Variants in RHOA observed in about 807,000 individuals in gnomAD.
RHOA encodes ras homolog family member A.
RHOA carries 3 observed loss-of-function variants against 17.5 expected under a neutral mutation model. The ratio of observed to expected loss-of-function variants is 0.17; its 90% CI spans 0.08 to 0.44. The LOEUF is 0.44. Among genes scored for constraint, RHOA ranks in the 20% least tolerant of loss-of-function variants. The pLI is 0.99. For missense variants in RHOA, 56 were observed against 242.3 expected, an observed-to-expected ratio of 0.23 and a Z score of 5.10; for synonymous variants, 98 against 88.4, an observed-to-expected ratio of 1.11 and a Z score of -0.61.
intron 1 of RHOA, among the ~76,000 whole-genome samples, chr3:49,409,148 A>T (rs900223133): frequency 6.6e-6 from 1 of 151,260 alleles, no homozygotes; most frequent in African/African-American, 2.4e-5. Context: ...TAATCCCAGC[A>T]CTTTGGGAGG....
chr3:49,410,417 G>C (rs2048913475), intron 1 of RHOA, among the ~76,000 whole-genome samples: 1 of 152,120 alleles, frequency 6.6e-6, no homozygotes, highest in African/African-American at 2.4e-5. Flanking sequence ...AGATTTTTAT[G>C]AGAACAGAGA....
chr3:49,371,641 C>A (rs1559499634), intron 2 of RHOA, among the ~76,000 whole-genome samples: 1 of 152,148 alleles, frequency 6.6e-6, no homozygotes, highest in Non-Finnish European at 1.5e-5. Context: ...ATCTTGGGGA[C>A]TCTTGAGTTG....
At chr3:49,376,999 A>G (rs766609257) in intron 1 of RHOA, among the ~76,000 whole-genome samples, 4 of 152,132 alleles carry the variant, frequency 2.6e-5, no homozygotes, top group Non-Finnish European at 4.4e-5. Context: ...GTGGTGGCAC[A>G]TGCCTATAAT....
intron 1 of RHOA, among the ~76,000 whole-genome samples, chr3:49,403,049 A>AG (rs2048751925): frequency 1.3e-5 from 2 of 151,268 alleles, no homozygotes; most frequent in South Asian, 4.2e-4. Flanking sequence ...AAAAAAAAAA[A>AG]AAAAGAAACC....
At chr3:49,363,460 C>T (rs1057005814) in intron 3 of RHOA, among the ~76,000 whole-genome samples, 2 of 152,016 alleles carry the variant, frequency 1.3e-5, no homozygotes, top group East Asian at 1.9e-4. Flanking sequence ...AGAGGCTGGG[C>T]GTGGTGACTC....
At chr3:49,395,281 T>G (rs564511726) in intron 1 of RHOA, among the ~76,000 whole-genome samples, 2 of 151,440 alleles carry the variant, frequency 1.3e-5, no homozygotes, top group East Asian at 3.9e-4. Context: ...GAAAGGAGAT[T>G]TTTGAAAATA....
chr3:49,362,613 T>C lies in RHOA; in HGVS notation c.291A>G (p.Glu97=), dbSNP rs1480884070. The change falls in exon 4 of 5, where the codon GAA becomes GAG. Residue 97 remains glutamate (E), a synonymous_variant. Coordinates refer to ENST00000418115, the MANE Select transcript of RHOA (RefSeq NM_001664.4). ...DSPDSLENIP[E]KWTPEVKHFC... ...AATGCTTGACTTCTGGGGTCCACTT[T>C]TCTGGGATGTTTTCTGAAAGAAAAA... is the stretch of plus-strand genomic sequence containing the variant. 3 of 1,611,336 alleles carry C rather than the reference T, an allele frequency of 1.9e-6. No homozygotes were observed. The highest frequency in any genetic ancestry group is 1.7e-4 in the Middle Eastern group (1 of 6,054).
intron 1 of RHOA, among the ~76,000 whole-genome samples, chr3:49,402,537 G>A (rs1275683051): frequency 1.3e-5 from 2 of 151,856 alleles, no homozygotes; most frequent in Admixed American, 6.6e-5. Flanking sequence ...AACTAGGTAT[G>A]GTGGTGCTTG....
At chr3:49,401,060 A>ACAAAAAAAAAAAAAAAAG (rs2048716944) in intron 1 of RHOA, among the ~76,000 whole-genome samples, 1 of 145,042 alleles carries the variant, frequency 6.9e-6, no homozygotes, top group Non-Finnish European at 1.5e-5. Flanking sequence ...AAAAAAAAAA[A>ACAAAAAAAAAAAAAAAAG]AGAGTTAATT....
chr3:49,377,052 C>T (rs368662072), intron 1 of RHOA, among the ~76,000 whole-genome samples: 12 of 152,194 alleles, frequency 7.9e-5, no homozygotes, highest in African/African-American at 4.8e-5. Flanking sequence ...CGCTTGAACC[C>T]GGGAGGCAGA....
rs572718600 is a variant in RHOA at position 49,382,041 on chromosome 3, C to T, written c.-2-6450G>A. On this transcript the variant is annotated intron_variant, in intron 1 of 4. Coordinates refer to ENST00000418115, the MANE Select transcript of RHOA (RefSeq NM_001664.4). ...CTCATAAAAATAAAAAAATATTGGC[C>T]GGGCATGGTGGCTCACACCTGTAAT... Among the ~76,000 whole-genome samples the T allele has an allele frequency of 9.4e-5, 14 of 149,666 alleles. No individual in the cohort carries two copies. In the South Asian group the frequency reaches 1.5e-3, roughly 16 times the overall value.
chr3:49,387,483 G>A (rs1386750717), intron 1 of RHOA, among the ~76,000 whole-genome samples: 1 of 143,494 alleles, frequency 7.0e-6, no homozygotes, highest in Non-Finnish European at 1.5e-5. Context: ...GGTGGCTCAT[G>A]CCTGTAATCC....
At chr3:49,394,242 G>C (rs755578936) in intron 1 of RHOA, among the ~76,000 whole-genome samples, 2 of 151,872 alleles carry the variant, frequency 1.3e-5, no homozygotes, top group Non-Finnish European at 2.9e-5. Context: ...CTGACCTCGC[G>C]ATCTGCCTGC....
At position 49,385,066 on chromosome 3, in the gene RHOA, A is replaced by T. The variant is rs565709810; in HGVS notation, c.-2-9475T>A. Among the ~76,000 whole-genome samples the T allele has an allele frequency of 8.6e-5, 13 of 150,732 alleles. No individual in the cohort carries two copies. In the South Asian group the frequency reaches 2.7e-3, roughly 32 times the overall value. ...TGACAGCAAGACTGTCTCGGGGGAA[A>T]AACAAATTTAATTATCTTTTATGTA... On this transcript the variant is annotated intron_variant, in intron 1 of 4. Coordinates refer to ENST00000418115, the MANE Select transcript of RHOA (RefSeq NM_001664.4).
intron 1 of RHOA, among the ~76,000 whole-genome samples, chr3:49,381,492 T>C (rs1178676771): frequency 6.6e-6 from 1 of 150,950 alleles, no homozygotes; most frequent in Non-Finnish European, 1.5e-5. Flanking sequence ...TGAGAATCAC[T>C]TGAATTAGGC....
At chr3:49,371,577 G>A (rs1471804373) in intron 2 of RHOA, among the ~76,000 whole-genome samples, 1 of 152,122 alleles carries the variant, frequency 6.6e-6, no homozygotes, top group East Asian at 1.9e-4. Flanking sequence ...ACGACGTCTG[G>A]CCTTATACTA....
chr3:49,378,919 T>G (rs1267388002), intron 1 of RHOA, among the ~76,000 whole-genome samples: 2 of 151,864 alleles, frequency 1.3e-5, no homozygotes, highest in African/African-American at 4.8e-5. Flanking sequence ...TAGAAAAAAT[T>G]AAAAAATAAA....
intron 1 of RHOA, among the ~76,000 whole-genome samples, chr3:49,382,154 C>T (rs1400278189): frequency 6.6e-6 from 1 of 151,022 alleles, no homozygotes; most frequent in East Asian, 2.0e-4. Flanking sequence ...CCCGTCTCTA[C>T]TAAAAATACA....
At chr3:49,390,166 A>G (rs936955924) in intron 1 of RHOA, among the ~76,000 whole-genome samples, 2 of 149,092 alleles carry the variant, frequency 1.3e-5, no homozygotes, top group African/African-American at 5.0e-5. Context: ...ATGGAGTCTC[A>G]CTCTGTCACC....
Sources: allele counts gnomAD v4.1 joint callset (sites outside exome capture counted in the v4.1 genomes callset), GRCh38; gene constraint gnomAD v4.1.1; transcripts MANE v1.5; gene names NCBI Gene and HGNC (gene_info 2026-07-23, HGNC 2026-07-21).